POU2F1: variants seen among roughly 807,000 people sequenced by gnomAD.
POU2F1 encodes POU class 2 homeobox 1, also known as POU domain, class 2, transcription factor 1.
Under a neutral mutation model 84.9 loss-of-function variants are expected in POU2F1, and 16 were observed. The ratio of observed to expected loss-of-function variants is 0.19; its 90% CI spans 0.13 to 0.29. The LOEUF (loss-of-function observed/expected upper bound fraction) is 0.29, where lower values mean the gene tolerates loss of function less well. Ranked by LOEUF, POU2F1 falls within the 10% of genes least tolerant of loss-of-function variation. POU2F1 has a pLI of 1.00. For missense variants in POU2F1, 738 were observed against 942.6 expected (o/e 0.78, Z 2.84); for synonymous variants, 368 against 368.3 (o/e 1.00, Z 0.01).
intron 2 of POU2F1, chr1:167,338,126 G>GCCTCTCCTT: frequency 2.2e-6 from 1 of 461,156 alleles, no homozygotes; most frequent in Non-Finnish European, 4.4e-6. Context: ...TGCCTCTCCT[G>GCCTCTCCTT]CCTCCCCTTC....
intron 13 of POU2F1, among the ~76,000 whole-genome samples, chr1:167,410,795 C>T (rs566064785): frequency 1.3e-5 from 2 of 152,034 alleles, no homozygotes; most frequent in East Asian, 1.9e-4. Context: ...GGATCACAAG[C>T]GTGAGCCACC....
rs759629843 is a variant in POU2F1 at position 167,349,727 on chromosome 1, G to A, written c.128-15740G>A. Among the ~76,000 whole-genome samples the A allele has an allele frequency of 9.9e-5, 15 of 152,202 alleles. No homozygotes were observed. In the East Asian group the frequency reaches 2.9e-3, roughly 29 times the overall value. ...AATACAGCATTTATTTTTACAGCAGGATCTTTTGCTATGTGATATTCCTGG... is the reference window on the plus strand; with the variant it reads ...AATACAGCATTTATTTTTACAGCAGAATCTTTTGCTATGTGATATTCCTGG... On this transcript the variant is annotated intron_variant, in intron 2 of 15. Coordinates refer to ENST00000367866, the MANE Select transcript of POU2F1 (RefSeq NM_002697.4).
At chr1:167,243,600 C>T (rs551531536) in intron 1 of POU2F1, among the ~76,000 whole-genome samples, 74 of 152,274 alleles carry the variant, frequency 4.9e-4, no homozygotes, top group African/African-American at 1.7e-3. Context: ...CTCAGCCTCC[C>T]GAGTAGCTGG....
chr1:167,357,949 G>T (rs921628200), intron 2 of POU2F1, among the ~76,000 whole-genome samples: 1 of 149,652 alleles, frequency 6.7e-6, no homozygotes, highest in Non-Finnish European at 1.5e-5. Flanking sequence ...GACTACAGGC[G>T]CACATCACTA....
At chr1:167,221,081 G>A (rs1288604789) in intron 1 of POU2F1, 123 bp downstream of exon 1, 2 of 943,154 alleles carry the variant, frequency 2.1e-6, no homozygotes, top group Non-Finnish European at 3.2e-6. Flanking sequence ...CGGGGAGATG[G>A]GGGGCCGGGG....
At chr1:167,238,310 G>T (rs1649654638) in intron 1 of POU2F1, among the ~76,000 whole-genome samples, 1 of 151,952 alleles carries the variant, frequency 6.6e-6, no homozygotes, top group Admixed American at 6.6e-5. Flanking sequence ...TTTATTTCCG[G>T]TGGGGCCCAA....
intron 1 of POU2F1, among the ~76,000 whole-genome samples, chr1:167,295,310 A>C (rs936237712): frequency 2.0e-5 from 3 of 152,222 alleles, no homozygotes; most frequent in Admixed American, 2.0e-4. Context: ...TGGATAAAGA[A>C]AATGTGATAT....
At chr1:167,299,278 A>G (rs1654496461) in intron 1 of POU2F1, among the ~76,000 whole-genome samples, 1 of 152,094 alleles carries the variant, frequency 6.6e-6, no homozygotes, top group Non-Finnish European at 1.5e-5. Context: ...AGTATATATG[A>G]AGGCAGTGTG....
chr1:167,412,764 G>A (rs12743108), intron 14 of POU2F1, among the ~76,000 whole-genome samples: 15,562 of 152,110 alleles, frequency 0.1, 1,930 homozygotes, highest in African/African-American at 0.3. Context: ...ATTTTGGAAA[G>A]AAAGAGAAAT....
intron 1 of POU2F1, among the ~76,000 whole-genome samples, chr1:167,248,867 G>A (rs185253437): frequency 4.2e-4 from 64 of 152,132 alleles, no homozygotes; most frequent in Non-Finnish European, 6.6e-4. Flanking sequence ...TATTATGTAG[G>A]TATTATAATT....
intron 1 of POU2F1, among the ~76,000 whole-genome samples, chr1:167,319,524 C>CT (rs1425116193): frequency 1.3e-5 from 2 of 151,914 alleles, no homozygotes; most frequent in Non-Finnish European, 2.9e-5. Flanking sequence ...TCCACTATGG[C>CT]TTGTCCTTGA....
chr1:167,368,928 C>T (rs1168828051), intron 3 of POU2F1, among the ~76,000 whole-genome samples: 1 of 152,242 alleles, frequency 6.6e-6, no homozygotes, highest in Non-Finnish European at 1.5e-5. Flanking sequence ...TACCATTTTC[C>T]AGTTGCCCAG....
intron 12 of POU2F1, among the ~76,000 whole-genome samples, chr1:167,400,248 A>G (rs1279051651): frequency 6.6e-6 from 1 of 151,244 alleles, no homozygotes; most frequent in African/African-American, 2.4e-5. Context: ...TCAGCCTCCC[A>G]AAGTCCCAAC....
At chr1:167,222,728 ATCAACTC>A (rs1648332192) in intron 1 of POU2F1, among the ~76,000 whole-genome samples, 2 of 152,206 alleles carry the variant, frequency 1.3e-5, no homozygotes, top group African/African-American at 4.8e-5. Flanking sequence ...CTAGCTAAGT[ATCAACTC>A]TGTGATGGTT....
chr1:167,227,307 G>GATAT (rs1467837980), intron 1 of POU2F1, among the ~76,000 whole-genome samples: 34 of 151,882 alleles, frequency 2.2e-4, no homozygotes, highest in Non-Finnish European at 1.2e-4. Context: ...ATATAGAAAT[G>GATAT]GTATATGAAA....
At chr1:167,275,040 T>G (rs1268063904) in intron 1 of POU2F1, among the ~76,000 whole-genome samples, 1 of 149,718 alleles carries the variant, frequency 6.7e-6, no homozygotes, top group Non-Finnish European at 1.5e-5. Flanking sequence ...GTATTTTTTT[T>G]TTTTTTTTTT....
At chr1:167,228,743 A>G (rs917046412) in intron 1 of POU2F1, among the ~76,000 whole-genome samples, 5 of 152,164 alleles carry the variant, frequency 3.3e-5, no homozygotes, top group Non-Finnish European at 5.9e-5. Flanking sequence ...TATTTCTTGT[A>G]TTGCTTCCAT....
At chr1:167,414,794 A>G (rs1650194398) in intron 15 of POU2F1, 1 of 884,438 alleles carries the variant, frequency 1.1e-6, no homozygotes, top group South Asian at 5.2e-5. Context: ...TGAGAAATTA[A>G]TTATACCTTT....
intron 7 of POU2F1, among the ~76,000 whole-genome samples, chr1:167,378,164 G>GC (rs1290051154): frequency 1.3e-5 from 2 of 152,268 alleles, no homozygotes; most frequent in African/African-American, 4.8e-5. Context: ...ATTCCCACCA[G>GC]CAGTGTATAA....
Sources: allele counts gnomAD v4.1 joint callset (sites outside exome capture counted in the v4.1 genomes callset), GRCh38; gene constraint gnomAD v4.1.1; transcripts MANE v1.5; gene names NCBI Gene and HGNC (gene_info 2026-07-23, HGNC 2026-07-21).